PCDHA5: variants seen among roughly 807,000 people sequenced by gnomAD.
The protein encoded by PCDHA5 is protocadherin alpha 5.
A neutral mutation model predicts 61.6 loss-of-function variants in PCDHA5; 43 were observed. The observed-to-expected ratio is 0.70, with a 90% confidence interval of 0.55 to 0.90. The LOEUF (loss-of-function observed/expected upper bound fraction) is 0.90, where lower values mean the gene tolerates loss of function less well. Ranked by LOEUF, PCDHA5 falls within the 40% of genes least tolerant of loss-of-function variation. The probability of loss-of-function intolerance (pLI) is 0.00; values close to 1 mark genes in which losing one functional copy is unlikely to be tolerated. For missense variants in PCDHA5, 1,298 were observed against 1,222.7 expected (o/e 1.06, Z -0.92); for synonymous variants, 627 against 543.9 (o/e 1.15, Z -2.13).
chr5:140,856,448 G>T (rs782383115), intron 1 of PCDHA5: 3 of 1,598,274 alleles, frequency 1.9e-6, no homozygotes, highest in South Asian at 2.2e-5. Context: ...CAGGTTCTCC[G>T]TAACAGAACA....
At chr5:140,872,207 T>C (rs1372716316) in intron 1 of PCDHA5, among the ~76,000 whole-genome samples, 1 of 152,224 alleles carries the variant, frequency 6.6e-6, no homozygotes, top group African/African-American at 2.4e-5. Flanking sequence ...ATAAATTCAT[T>C]ATATATGAAA....
intron 1 of PCDHA5, among the ~76,000 whole-genome samples, chr5:140,839,832 G>A (rs1196179832): frequency 6.6e-6 from 1 of 152,000 alleles, no homozygotes; most frequent in Admixed American, 6.6e-5. Context: ...CATTCATGAT[G>A]AATCCATGGA....
At chr5:140,914,030 G>T (rs2076568173) in intron 1 of PCDHA5, among the ~76,000 whole-genome samples, 1 of 152,298 alleles carries the variant, frequency 6.6e-6, no homozygotes, top group East Asian at 1.9e-4. Flanking sequence ...CACGTGCTGA[G>T]AAGAATGTGT....
At chr5:140,841,406 G>C (rs2150314785) in intron 1 of PCDHA5, 3 of 1,613,082 alleles carry the variant, frequency 1.9e-6, no homozygotes, top group Non-Finnish European at 1.7e-6. Context: ...GGTGGGGAGC[G>C]GCCAGCTCCA....
rs1254139233 is a variant in PCDHA5 at position 140,846,802 on chromosome 5, C to T, written c.2352+22675C>T. On this transcript the variant is annotated intron_variant, in intron 1 of 3. Transcript: ENST00000529859. Reference sequence around the variant, plus strand: ...ATTATTACTGAGCCCCAGCCCCTGGCTTTAAAATTTGAGGTCAAATAAAGA... The same window carrying T: ...ATTATTACTGAGCCCCAGCCCCTGGTTTTAAAATTTGAGGTCAAATAAAGA... Among the ~76,000 whole-genome samples the T allele has an allele frequency of 4.7e-5, 7 of 149,432 alleles. 1 individual carries two copies. The highest frequency in any genetic ancestry group is 1.7e-4 in the African/African-American group (7 of 40,714).
chr5:140,888,077 A>T (rs575248983), intron 1 of PCDHA5, among the ~76,000 whole-genome samples: 2 of 152,238 alleles, frequency 1.3e-5, no homozygotes, highest in African/African-American at 4.8e-5. Flanking sequence ...TGCTAATTTC[A>T]ACATTTTTGT....
chr5:140,937,362 C>A lies in PCDHA5; in HGVS notation c.2353-41587C>A, dbSNP rs151333453. On this transcript the variant is annotated intron_variant, in intron 1 of 3. Coordinates refer to ENST00000529859, the MANE Select transcript of PCDHA5 (RefSeq NM_018908.3). ...TCTTCCATTTATTTTATTATTTTAT[C>A]TTAATGTTTATGTGTGTGTATGTGT... Among the ~76,000 whole-genome samples the A allele has an allele frequency of 4.1e-4, 62 of 152,138 alleles. No individual in the cohort carries two copies. In the East Asian group the frequency reaches 0.01, roughly 25 times the overall value.
Position 140,858,496 on chromosome 5 carries a change from C to T in PCDHA5, c.2352+34369C>T, listed in dbSNP as rs1554151697. 7 of 1,479,962 alleles carry T rather than the reference C, an allele frequency of 4.7e-6. 1 individual carries two copies. 91.7% of individuals were successfully genotyped at this position (1,479,962 alleles called of 1,614,324 possible). ...TTATGAATAATATTTTCTCTTACCG[C>T]ATTTTCTCAAATATGTATCAGAATA... is the stretch of plus-strand genomic sequence containing the variant. On this transcript the variant is annotated intron_variant, in intron 1 of 3. Transcript: ENST00000529859.
chr5:140,961,234 G>A (rs2095598781), intron 1 of PCDHA5, among the ~76,000 whole-genome samples: 1 of 152,180 alleles, frequency 6.6e-6, no homozygotes, highest in South Asian at 2.1e-4. Context: ...CCAAAAAGGT[G>A]ATGGAATTTA....
intron 1 of PCDHA5, chr5:140,928,272 TG>T (rs781906023): frequency 6.2e-7 from 1 of 1,614,156 alleles, no homozygotes; most frequent in Non-Finnish European, 8.5e-7. Context: ...ACAATGGCCC[TG>T]GGGCCTCTCT....
rs2150156470 is a variant in PCDHA5 at position 140,828,534 on chromosome 5, C to T, written c.2352+4407C>T. 6.2e-6 allele frequency: 10 copies of T among 1,614,104 alleles called. No homozygotes were observed. The Admixed American group carries it at 1.7e-4, about 27-fold the overall frequency. On this transcript the variant is annotated intron_variant, in intron 1 of 3. Transcript: ENST00000529859. ...GTGCTGATTTACGAATCTAGGCTGCCAGATTCTGTGTTTCCACTGGAGGGC... is the reference window on the plus strand; with the variant it reads ...GTGCTGATTTACGAATCTAGGCTGCTAGATTCTGTGTTTCCACTGGAGGGC...
intron 1 of PCDHA5, among the ~76,000 whole-genome samples, chr5:140,841,026 C>A (rs1322339232): frequency 6.6e-6 from 1 of 151,940 alleles, no homozygotes; most frequent in African/African-American, 2.4e-5. Context: ...AATGCCTCTG[C>A]AATTGATAAA....
At position 140,905,827 on chromosome 5, in the gene PCDHA5, A is replaced by T. The variant is rs140988076; in HGVS notation, c.2353-73122A>T. 2.2e-3 allele frequency among the ~76,000 whole-genome samples: 329 copies of T among 152,298 alleles called. 1 individual carries two copies. The highest frequency in any genetic ancestry group is 7.5e-3 in the African/African-American group (311 of 41,554). The stretch of plus-strand genomic sequence containing the variant: ...CAGAATTAATAGGCTAGATGTGTAT[A>T]TAAAGGGGAGTTTATTAAGGAGTAT... On this transcript the variant is annotated intron_variant, in intron 1 of 3. Coordinates refer to ENST00000529859, the MANE Select transcript of PCDHA5 (RefSeq NM_018908.3).
At chr5:140,882,212 G>A in intron 1 of PCDHA5, 1 of 1,539,436 alleles carries the variant, frequency 6.5e-7, no homozygotes. Context: ...TTGAGAGACA[G>A]TTTGAGGTAA....
At chr5:140,835,823 G>A (rs2150245934) in intron 1 of PCDHA5, 1 of 1,612,580 alleles carries the variant, frequency 6.2e-7, no homozygotes, top group Admixed American at 1.7e-5. Flanking sequence ...TGTCGGCGGG[G>A]GACGCGGACG....
intron 1 of PCDHA5, chr5:140,836,498 C>A: frequency 1.2e-6 from 2 of 1,613,896 alleles, no homozygotes; most frequent in Non-Finnish European, 1.7e-6. Context: ...TCGCCATCTG[C>A]GCGGTGTCCA....
chr5:140,966,603 G>T, intron 1 of PCDHA5: 1 of 656,454 alleles, frequency 1.5e-6, no homozygotes, highest in East Asian at 3.4e-5. Context: ...AGGAGCCCTT[G>T]GGAGGGCCTA....
intron 1 of PCDHA5, chr5:140,850,343 C>G (rs1554144214): frequency 1.9e-6 from 3 of 1,597,676 alleles, no homozygotes; most frequent in Non-Finnish European, 2.6e-6. Context: ...CAGAAACGGC[C>G]AGCGCGAGCA....
Position 140,966,881 on chromosome 5 carries a change from C to T in PCDHA5, c.2353-12068C>T, listed in dbSNP as rs2096065304. 4.4e-6 allele frequency: 7 copies of T among 1,588,952 alleles called. No individual in the cohort carries two copies. In the South Asian group the frequency reaches 6.7e-5, roughly 15 times the overall value. ...GCTGTTGCTGCTGCTGCTACCTGGC[C>T]CTGCGGCCTCCCAGCTGCGATACTC... On this transcript the variant is annotated intron_variant, in intron 1 of 3. Coordinates refer to ENST00000529859, the MANE Select transcript of PCDHA5 (RefSeq NM_018908.3).
Sources: gnomAD v4.1 joint callset for allele counts (sites outside exome capture counted in the v4.1 genomes callset) on GRCh38, gnomAD v4.1.1 for gene constraint, MANE v1.5 for transcripts, NCBI Gene and HGNC (gene_info 2026-07-23, HGNC 2026-07-21) for gene names.